Variants in PI4KA observed in about 807,000 individuals in gnomAD.
The protein encoded by PI4KA is PI4-kinase alpha.
PI4KA carries 122 observed loss-of-function variants against 271.4 expected under a neutral mutation model. That is an observed-to-expected ratio of 0.45 (90% CI 0.39 to 0.52). The LOEUF (loss-of-function observed/expected upper bound fraction) is 0.52, where lower values mean the gene tolerates loss of function less well. Ranked by LOEUF, PI4KA falls within the 20% of genes least tolerant of loss-of-function variation. The probability of loss-of-function intolerance (pLI) is 0.00; values close to 1 mark genes in which losing one functional copy is unlikely to be tolerated. For synonymous variants in PI4KA, 1,041 were observed against 1,078.8 expected (o/e 0.96, Z 0.69); for missense variants, 1,969 against 2,769.1 (o/e 0.71, Z 6.48).
intron 3 of PI4KA, among the ~76,000 whole-genome samples, chr22:20,833,924 C>G (rs1482329476): frequency 2.0e-5 from 3 of 152,030 alleles, no homozygotes. Flanking sequence ...TCCCAAAGTG[C>G]TGGGATTACA....
chr22:20,725,680 A>T (rs1432340300), intron 42 of PI4KA: 7 of 342,528 alleles, frequency 2.0e-5, no homozygotes, highest in Non-Finnish European at 4.3e-5. Context: ...AGATTGCCTG[A>T]GCTCAGGAGT....
At chr22:20,767,972 T>C (rs888395571) in intron 19 of PI4KA, among the ~76,000 whole-genome samples, 1 of 143,016 alleles carries the variant, frequency 7.0e-6, no homozygotes, top group African/African-American at 2.8e-5. Flanking sequence ...TTATTATTAT[T>C]ATTATTTCCA....
At chr22:20,750,580 G>T (rs948457192) in intron 27 of PI4KA, among the ~76,000 whole-genome samples, 2 of 152,230 alleles carry the variant, frequency 1.3e-5, no homozygotes, top group Non-Finnish European at 1.5e-5. Flanking sequence ...GAATCTACAA[G>T]AATAACATGT....
At chr22:20,774,542 C>T (rs1933095168) in intron 19 of PI4KA, among the ~76,000 whole-genome samples, 1 of 152,072 alleles carries the variant, frequency 6.6e-6, no homozygotes, top group Non-Finnish European at 1.5e-5. Context: ...GCGGGTGGAT[C>T]ACGAGGTCAG....
intron 1 of PI4KA, among the ~76,000 whole-genome samples, chr22:20,852,803 C>T (rs371207669): frequency 6.6e-6 from 1 of 152,170 alleles, no homozygotes; most frequent in African/African-American, 2.4e-5. Flanking sequence ...GACTGAATAA[C>T]CATGAACTCC....
At chr22:20,775,109 T>C (rs1042400841) in intron 19 of PI4KA, among the ~76,000 whole-genome samples, 1 of 152,294 alleles carries the variant, frequency 6.6e-6, no homozygotes, top group Admixed American at 6.5e-5. Flanking sequence ...GATGACGGTT[T>C]ATCAAGTGTT....
intron 14 of PI4KA, among the ~76,000 whole-genome samples, chr22:20,800,366 C>T (rs1935225487): frequency 6.6e-6 from 1 of 152,132 alleles, no homozygotes; most frequent in Non-Finnish European, 1.5e-5. Context: ...CTGTATGTAG[C>T]TCTCAAGTTG....
intron 19 of PI4KA, among the ~76,000 whole-genome samples, chr22:20,775,411 G>A (rs1315743491): frequency 6.6e-6 from 1 of 152,070 alleles, no homozygotes; most frequent in Non-Finnish European, 1.5e-5. Flanking sequence ...CCTTCCTCTG[G>A]TAAGGGAATG....
intron 9 of PI4KA, among the ~76,000 whole-genome samples, chr22:20,808,514 T>C (rs1214680804): frequency 6.8e-6 from 1 of 146,270 alleles, no homozygotes; most frequent in Non-Finnish European, 1.5e-5. Flanking sequence ...TGCTTTGACC[T>C]GGGAGGCGGA....
intron 17 of PI4KA, 122 bp downstream of exon 17, chr22:20,798,462 G>T: frequency 1.3e-6 from 1 of 748,972 alleles, no homozygotes; most frequent in Non-Finnish European, 2.4e-6. Flanking sequence ...TGTGTGCACT[G>T]ATCTGTAGCA....
chr22:20,759,608 A>C (rs1208247181), intron 23 of PI4KA, among the ~76,000 whole-genome samples: 1 of 149,816 alleles, frequency 6.7e-6, no homozygotes, highest in Non-Finnish European at 1.5e-5. Context: ...CTCTGTCACC[A>C]AGGCTGGAGT....
Position 20,850,805 on chromosome 22 carries a change from C to T in PI4KA, c.156+7765G>A, listed in dbSNP as rs145488390. ...CCTATAATCTCAGCACTTTGAGAGG[C>T]TGAGGTGAGTGGATCACTTGAGCCC... On this transcript the variant is annotated intron_variant, in intron 1 of 54. Transcript: ENST00000255882. Among the ~76,000 whole-genome samples, 7 of 152,186 alleles carry T rather than the reference C, an allele frequency of 4.6e-5. No individual in the cohort carries two copies. The East Asian group carries it at 1.2e-3, about 25-fold the overall frequency.
chr22:20,737,801 T>C (rs377136906), intron 32 of PI4KA, among the ~76,000 whole-genome samples: 1 of 151,896 alleles, frequency 6.6e-6, no homozygotes, highest in South Asian at 2.1e-4. Context: ...CTGGCTAATT[T>C]TGTATATTTA....
At chr22:20,805,402 T>C (rs928177343) in intron 10 of PI4KA, among the ~76,000 whole-genome samples, 1 of 152,204 alleles carries the variant, frequency 6.6e-6, no homozygotes, top group South Asian at 2.1e-4. Flanking sequence ...CCAGGGATGT[T>C]ACAGCCATGC....
intron 44 of PI4KA, among the ~76,000 whole-genome samples, chr22:20,718,257 T>C (rs4052228): frequency 5.3e-5 from 8 of 152,266 alleles, no homozygotes; most frequent in South Asian, 2.1e-4. Context: ...CACAAAGCCA[T>C]CAACATCCAA....
At chr22:20,786,837 C>A in intron 19 of PI4KA, 1 of 1,602,300 alleles carries the variant, frequency 6.2e-7, no homozygotes, top group Non-Finnish European at 8.6e-7. Context: ...CCTCTGTGTG[C>A]TGACCTCCAG....
intron 23 of PI4KA, among the ~76,000 whole-genome samples, chr22:20,758,441 G>T (rs1601421567): frequency 7.3e-6 from 1 of 136,360 alleles, no homozygotes; most frequent in African/African-American, 2.7e-5. Flanking sequence ...TTTTTTGTGT[G>T]TGATTTTTCT....
chr22:20,742,899 A>AG lies in PI4KA; in HGVS notation c.3457-136dup, dbSNP rs778050623. On this transcript the variant is annotated intron_variant, in intron 30 of 54. Transcript: ENST00000255882. The stretch of plus-strand genomic sequence containing the variant: ...CCCAAAGTGGAGCTCATGCATGCAG[A>AG]GAGACAGGCTCATTTCAATGATGCT... 1,062 of 703,086 alleles carry AG rather than the reference A, an allele frequency of 1.5e-3. 2 individuals carry two copies. Among genetic ancestry groups the AG allele is most frequent in the Non-Finnish European group, 2.1e-3 (826 of 399,748 alleles). 43.6% of individuals were successfully genotyped at this position (703,086 alleles called of 1,614,324 possible).
chr22:20,756,567 A>G (rs1931329200), intron 23 of PI4KA, among the ~76,000 whole-genome samples: 1 of 152,060 alleles, frequency 6.6e-6, no homozygotes, highest in Non-Finnish European at 1.5e-5. Context: ...GAAACTGTAA[A>G]TTCCTGATAA....
Sources: allele counts gnomAD v4.1 joint callset (sites outside exome capture counted in the v4.1 genomes callset), GRCh38; gene constraint gnomAD v4.1.1; transcripts MANE v1.5; gene names NCBI Gene and HGNC (gene_info 2026-07-23, HGNC 2026-07-21).